The following KIF23 variants were observed in gnomAD, a reference collection of about 807,000 sequenced individuals.
The protein encoded by KIF23 is kinesin-like protein KIF23.
In KIF23, 30 loss-of-function variants were observed where a neutral mutation model predicts 137.5. The ratio of observed to expected loss-of-function variants is 0.22; its 90% CI spans 0.16 to 0.30. KIF23 has a LOEUF of 0.30. KIF23 is among the 10% of genes least tolerant of loss of function. The probability of loss-of-function intolerance (pLI) is 1.00; values close to 1 mark genes in which losing one functional copy is unlikely to be tolerated. For missense variants in KIF23, 920 were observed against 1,194.3 expected, an observed-to-expected ratio of 0.77 and a Z score of 3.38; for synonymous variants, 367 against 391.1, an observed-to-expected ratio of 0.94 and a Z score of 0.73.
intron 3 of KIF23, among the ~76,000 whole-genome samples, chr15:69,419,241 C>G (rs1689330863): frequency 6.6e-6 from 1 of 152,198 alleles, no homozygotes; most frequent in Non-Finnish European, 1.5e-5. Flanking sequence ...ATTGACAAGA[C>G]TTCCAAAGCC....
chr15:69,446,852 C>T lies in KIF23; in HGVS notation c.2839-19C>T. The T allele has an allele frequency of 6.2e-7, 1 of 1,611,674 alleles. No homozygotes were observed. The highest frequency in any genetic ancestry group is 8.5e-7 in the Non-Finnish European group (1 of 1,177,808). Reference sequence around the variant, plus strand: ...ATTGAGAGGAGCTGATCTTTTTCCTCTTGTCATTTTCCTCTCAGTGTTCTG... The same window carrying T: ...ATTGAGAGGAGCTGATCTTTTTCCTTTTGTCATTTTCCTCTCAGTGTTCTG... On this transcript the variant is annotated intron_variant, in intron 22 of 23. Coordinates refer to ENST00000679126, the MANE Select transcript of KIF23 (RefSeq NM_001367805.3).
intron 16 of KIF23, 111 bp downstream of exon 16, chr15:69,438,516 G>A (rs1020458861): frequency 8.5e-6 from 8 of 943,336 alleles, no homozygotes; most frequent in Admixed American, 3.1e-5. Flanking sequence ...AAGAGTTCTC[G>A]GTTGAGTGCG....
chr15:69,434,477 C>T (rs916808706), intron 11 of KIF23: 2 of 585,184 alleles, frequency 3.4e-6, no homozygotes, highest in Admixed American at 2.4e-5. Context: ...ATATTCTGGC[C>T]TTTCCACCTT....
At chr15:69,414,655 G>A (rs901163840) in intron 1 of KIF23, 179 bp downstream of exon 1, 37 of 625,120 alleles carry the variant, frequency 5.9e-5, no homozygotes, top group Non-Finnish European at 7.9e-5. Flanking sequence ...CGCTCCGCGG[G>A]AGCCTGGGCG....
At chr15:69,419,884 C>A (rs144852111) in intron 3 of KIF23, among the ~76,000 whole-genome samples, 1 of 151,958 alleles carries the variant, frequency 6.6e-6, no homozygotes, top group Non-Finnish European at 1.5e-5. Context: ...ATATAGGTAT[C>A]GAGTAGGTAT....
intron 2 of KIF23, among the ~76,000 whole-genome samples, chr15:69,416,889 C>T (rs1314801308): frequency 6.6e-6 from 1 of 152,026 alleles, no homozygotes; most frequent in Non-Finnish European, 1.5e-5. Flanking sequence ...CAGGAGGTTG[C>T]AGTGAGCTGA....
intron 7 of KIF23, among the ~76,000 whole-genome samples, chr15:69,424,431 A>C (rs980523793): frequency 2.0e-5 from 3 of 152,246 alleles, no homozygotes; most frequent in Non-Finnish European, 4.4e-5. Flanking sequence ...GGAGTGACCT[A>C]TCTATATTTA....
intron 1 of KIF23, 69 bp downstream of exon 1, chr15:69,414,545 CGT>C: frequency 1.4e-6 from 2 of 1,454,330 alleles, no homozygotes; most frequent in Non-Finnish European, 1.8e-6. Context: ...TGGGGGCAGG[CGT>C]CTCCACTCAG....
chr15:69,441,004 G>A lies in KIF23; in HGVS notation c.2346G>A (p.Met782Ile), dbSNP rs751339350. The A allele has an allele frequency of 3.1e-6, 5 of 1,614,220 alleles. No homozygotes were observed. Among genetic ancestry groups the A allele is most frequent in the Admixed American group, 3.3e-5 (2 of 60,028 alleles). The part of the protein sequence containing the change: ...TCIVSDRRRG[M>I]YWTEGREVVP... ...TCGTGTCAGACAGAAGGCGAGGGATGTACTGGACTGAAGGCAGGGAGGTGG... is the reference window on the plus strand; with the variant it reads ...TCGTGTCAGACAGAAGGCGAGGGATATACTGGACTGAAGGCAGGGAGGTGG... Residue 782 changes from methionine to isoleucine, a missense_variant, in exon 19 of 24, where the codon ATG (methionine) becomes ATA (isoleucine). Met to Ile is a conservative substitution (Grantham distance 10). This residue lies in a region of KIF23 where 714 missense variants were observed against 866.2 expected (regional missense o/e 0.82). Coordinates refer to ENST00000679126, the MANE Select transcript of KIF23 (RefSeq NM_001367805.3).
chr15:69,428,828 C>A (rs2057279734), intron 10 of KIF23, among the ~76,000 whole-genome samples: 1 of 152,040 alleles, frequency 6.6e-6, no homozygotes, highest in Non-Finnish European at 1.5e-5. Flanking sequence ...GTGCAGCATG[C>A]TGGTGATAAG....
At chr15:69,426,478 G>C in intron 10 of KIF23, 21 bp downstream of exon 10, 1 of 1,611,954 alleles carries the variant, frequency 6.2e-7, no homozygotes, top group Non-Finnish European at 8.5e-7. Context: ...AGTATGTGGA[G>C]TTTTTCTGGT....
intron 16 of KIF23, 21 bp from the exon 17 acceptor site, chr15:69,439,883 C>T: frequency 6.4e-7 from 1 of 1,568,966 alleles, no homozygotes; most frequent in Non-Finnish European, 8.7e-7. Flanking sequence ...AAATATTGAA[C>T]ATAGTGGTCT....
intron 7 of KIF23, among the ~76,000 whole-genome samples, chr15:69,425,063 C>G (rs2057155876): frequency 6.6e-6 from 1 of 152,146 alleles, no homozygotes; most frequent in Non-Finnish European, 1.5e-5. Context: ...TACAAGGGTG[C>G]TTGTTTGGCC....
At position 69,436,674 on chromosome 15, in the gene KIF23, A is replaced by G. The variant is rs2057489992; in HGVS notation, c.1549A>G (p.Lys517Glu). Reference protein sequence around the residue: ...TLPRLIEALEKRHNLRQMMID... With the variant: ...TLPRLIEALEERHNLRQMMID... ...TCCAAGGCTGATTGAAGCCTTAGAG[A>G]AACGACATAACTTACGACAAATGAT... Residue 517 changes from lysine (K) to glutamate (E), a missense_variant, in exon 15 of 24, where the codon AAA (lysine) becomes GAA (glutamate). Around this residue, in one of 4 missense-constraint regions of KIF23, gnomAD observed 714 missense variants for 866.2 expected, o/e 0.82. Coordinates refer to ENST00000679126, the MANE Select transcript of KIF23 (RefSeq NM_001367805.3). The G allele has an allele frequency of 6.2e-7, 1 of 1,607,586 alleles. No homozygotes were observed. Among genetic ancestry groups the G allele is most frequent in the African/African-American group, 1.3e-5 (1 of 74,828 alleles).
At chr15:69,441,431 A>G (rs1259500472) in intron 19 of KIF23, among the ~76,000 whole-genome samples, 1 of 152,134 alleles carries the variant, frequency 6.6e-6, no homozygotes. Context: ...CCCTTCCCCA[A>G]ATTAGATTTT....
intron 16 of KIF23, 73 bp downstream of exon 16, chr15:69,438,478 C>T: frequency 7.3e-7 from 1 of 1,369,826 alleles, no homozygotes; most frequent in Admixed American, 2.3e-5. Context: ...AGATATTGTG[C>T]TCCAACGGCC....
chr15:69,444,804 T>A lies in KIF23; in HGVS notation c.2436T>A (p.Pro812=), dbSNP rs2057706979. 1 of 1,614,030 alleles carries A rather than the reference T, an allele frequency of 6.2e-7. No homozygotes were observed. Among genetic ancestry groups the A allele is most frequent in the Non-Finnish European group, 8.5e-7 (1 of 1,179,948 alleles). Residue 812 remains proline (P), a synonymous_variant, in exon 20 of 24, where the codon CCT becomes CCA. Transcript: ENST00000679126. The surrounding 1 kb of genome is among the most constrained non-coding windows in gnomAD (Gnocchi z 4.2). ...EDHCGRLLFQ[P]DQNAPPIRLR... ...TTGTTTCTCAGTTACTCTTTCAACCTGATCAGAACGCACCACCAATTCGTC... is the reference window on the plus strand; with the variant it reads ...TTGTTTCTCAGTTACTCTTTCAACCAGATCAGAACGCACCACCAATTCGTC...
chr15:69,440,755 C>G lies in KIF23; in HGVS notation c.2110-13C>G, dbSNP rs1596019588. On this transcript the variant is annotated splice_polypyrimidine_tract_variant and intron_variant, in intron 18 of 23. Coordinates refer to ENST00000679126, the MANE Select transcript of KIF23 (RefSeq NM_001367805.3). ...TTCAGTCTTGCTCATTAATTTTTCT[C>G]CAATTTTTCTAGCTTTCTAGTAACT... The G allele has an allele frequency of 6.4e-7, 1 of 1,573,146 alleles. No homozygotes were observed. Among genetic ancestry groups the G allele is most frequent in the Non-Finnish European group, 8.6e-7 (1 of 1,164,308 alleles).
Position 69,440,905 on chromosome 15 carries a change from G to T in KIF23, c.2247G>T (p.Thr749=), listed in dbSNP as rs181066969. Residue 749 remains threonine, a synonymous_variant, in exon 19 of 24, where the codon ACG becomes ACT. Coordinates refer to ENST00000679126, the MANE Select transcript of KIF23 (RefSeq NM_001367805.3). ...CGGAATGGGAGCAGAAAATTCCTAC[G>T]TACAACACACCTCTCAAAGTCACAT... is the stretch of plus-strand genomic sequence containing the variant. ...CISEWEQKIP[T]YNTPLKVTSI... The T allele has an allele frequency of 1.2e-6, 2 of 1,613,962 alleles. No individual in the cohort carries two copies. The highest frequency in any genetic ancestry group is 1.3e-5 in the African/African-American group (1 of 74,890).
Sources: allele counts gnomAD v4.1 joint callset (sites outside exome capture counted in the v4.1 genomes callset), GRCh38; gene constraint gnomAD v4.1.1; regional missense constraint gnomAD v4.1.1; non-coding constraint Gnocchi (gnomAD v3.1); transcripts MANE v1.5; gene names NCBI Gene and HGNC (gene_info 2026-07-23, HGNC 2026-07-21).